The following HOXD11 variants were observed in gnomAD, a reference collection of about 807,000 sequenced individuals.
The protein encoded by HOXD11 is homeobox protein Hox-D11.
Under a neutral mutation model 23.1 loss-of-function variants are expected in HOXD11, and 16 were observed. The observed-to-expected ratio is 0.69, with a 90% CI of 0.47 to 1.05. The LOEUF is 1.05. HOXD11 is among the 50% of genes least tolerant of loss of function. The pLI is 0.00. For missense variants in HOXD11, 564 were observed against 495.6 expected (o/e 1.14, Z -1.31); for synonymous variants, 262 against 224.4 (o/e 1.17, Z -1.50).
chr2:176,112,327 G>T (rs1268674427), downstream of HOXD11, among the ~76,000 whole-genome samples: 2 of 152,200 alleles, frequency 1.3e-5, no homozygotes, highest in Non-Finnish European at 2.9e-5. Flanking sequence ...TCCCCGTTCG[G>T]AGTTCACAAG....
At chr2:176,111,517 G>T (rs1689672143), downstream of HOXD11, 2 of 151,588 alleles carry the variant, frequency 1.3e-5, no homozygotes, top group African/African-American at 4.9e-5. Context: ...GGCAGCTAAG[G>T]TGTTTGCTAG....
At position 176,107,985 on chromosome 2, in the gene HOXD11, G is replaced by A. The variant is rs1297169702; in HGVS notation, c.630G>A (p.Lys210=). The change falls in exon 1 of 2, where the codon AAG becomes AAA. Residue 210 remains lysine, a synonymous_variant. Transcript: ENST00000249504. ...CACAGCCCGAGGGCGCAGCCGACAA[G>A]GGCGACCCCAGGACCGGGGCTGGTG... is the stretch of plus-strand genomic sequence containing the variant. ...APPQPEGAAD[K]GDPRTGAGGG... is the part of the protein sequence containing the mutation. 13 of 1,460,708 alleles carry A rather than the reference G, an allele frequency of 8.9e-6. No homozygotes were observed. Among genetic ancestry groups the A allele is most frequent in the Middle Eastern group, 2.4e-4 (1 of 4,144 alleles). The allele number at this position is 1,460,708 out of a possible 1,614,324, so 90.5% of individuals were successfully genotyped here.
At chr2:176,108,566 A>C (rs919214602) in intron 1 of HOXD11, among the ~76,000 whole-genome samples, 2 of 152,016 alleles carry the variant, frequency 1.3e-5, no homozygotes, top group Non-Finnish European at 2.9e-5. Flanking sequence ...GGAGTCAAGC[A>C]GATGCCCCGG....
At chr2:176,111,058 C>A (rs141901275), downstream of HOXD11, among the ~76,000 whole-genome samples, 1 of 152,070 alleles carries the variant, frequency 6.6e-6, no homozygotes, top group South Asian at 2.1e-4. Flanking sequence ...AGCAATTTGC[C>A]ACCCTGTGAA....
intron 1 of HOXD11, chr2:176,108,659 C>CTGTG (rs56323681): frequency 0.19 from 62,298 of 323,470 alleles, 3,632 homozygotes; most frequent in South Asian, 0.26. Context: ...GTGCCAGGCT[C>CTGTG]TGTGTGTGTG....
chr2:176,113,852 A>C (rs1460692784), downstream of HOXD11, among the ~76,000 whole-genome samples: 1 of 152,214 alleles, frequency 6.6e-6, no homozygotes, highest in African/African-American at 2.4e-5. Flanking sequence ...AGTGACTTTG[A>C]GCTCAAAGCC....
At chr2:176,113,161 GC>G, downstream of HOXD11, among the ~76,000 whole-genome samples, 1 of 152,166 alleles carries the variant, frequency 6.6e-6, no homozygotes, top group Admixed American at 6.5e-5. Context: ...CCGGAGGAGC[GC>G]CCGGGGAAGA....
At chr2:176,110,136 G>A (rs1313315334), downstream of HOXD11, among the ~76,000 whole-genome samples, 2 of 152,200 alleles carry the variant, frequency 1.3e-5, no homozygotes, top group African/African-American at 2.4e-5. Flanking sequence ...GTCATAAGTG[G>A]ACCTGGAGTA....
At chr2:176,112,477 G>A (rs1689690936), downstream of HOXD11, among the ~76,000 whole-genome samples, 1 of 152,224 alleles carries the variant, frequency 6.6e-6, no homozygotes, top group South Asian at 2.1e-4. Context: ...CTGGACCAAA[G>A]GCCCTGGGGC....
Position 176,107,519 on chromosome 2 carries a change from T to G in HOXD11, c.164T>G (p.Val55Gly). The part of the protein sequence containing the change: ...FPYSSNLAPH[V>G]QPVREVAFRD... ...TACTCTTCCAACCTGGCTCCGCACG[T>G]CCAGCCCGTGCGCGAAGTGGCCTTC... Residue 55 changes from valine (V) to glycine (G), a missense_variant, in exon 1 of 2, where the codon GTC becomes GGC. By Grantham distance (109) the Val-to-Gly change is moderately radical. Transcript: ENST00000249504. The G allele has an allele frequency of 1.2e-6, 2 of 1,613,376 alleles. No homozygotes were observed. Among genetic ancestry groups the G allele is most frequent in the African/African-American group, 1.3e-5 (1 of 74,972 alleles).
downstream of HOXD11, among the ~76,000 whole-genome samples, chr2:176,111,984 G>A (rs183540238): frequency 1.3e-3 from 198 of 152,182 alleles, no homozygotes; most frequent in Non-Finnish European, 1.2e-3. Flanking sequence ...TGGGAGAATC[G>A]TTCTGGGAGC....
chr2:176,108,435 AGT>A (rs1689620439), intron 1 of HOXD11, among the ~76,000 whole-genome samples: 1 of 149,486 alleles, frequency 6.7e-6, no homozygotes, highest in Non-Finnish European at 1.5e-5. Context: ...ATTTCAAGCC[AGT>A]GTGAGTGCAT....
downstream of HOXD11, chr2:176,111,592 G>C (rs962090726): frequency 6.6e-6 from 1 of 151,232 alleles, no homozygotes; most frequent in Non-Finnish European, 1.5e-5. Flanking sequence ...GGAGCAACTA[G>C]ATTCACGAAA....
downstream of HOXD11, among the ~76,000 whole-genome samples, chr2:176,113,324 C>T (rs1689702681): frequency 6.6e-6 from 1 of 152,244 alleles, no homozygotes; most frequent in Non-Finnish European, 1.5e-5. Flanking sequence ...AGTGCAGATG[C>T]AAGCCACTTT....
At chr2:176,112,270 T>C (rs2105390720), downstream of HOXD11, among the ~76,000 whole-genome samples, 1 of 152,338 alleles carries the variant, frequency 6.6e-6, no homozygotes, top group East Asian at 1.9e-4. Flanking sequence ...ATTCGTTGCG[T>C]GCCCTCCTTC....
At chr2:176,115,477 C>T in the HOXD11 span, among the ~76,000 whole-genome samples, 1 of 152,188 alleles carries the variant, frequency 6.6e-6, no homozygotes, top group Admixed American at 6.5e-5. Context: ...GTAAATTTAA[C>T]TATTAATCTT....
At position 176,109,043 on chromosome 2, in the gene HOXD11, T is replaced by C; in HGVS notation, c.918T>C (p.Thr306=). 1 of 1,614,120 alleles carries C rather than the reference T, an allele frequency of 6.2e-7. No individual in the cohort carries two copies. The highest frequency in any genetic ancestry group is 1.1e-5 in the South Asian group (1 of 91,088). ...AACTCTCTCGGATGCTCAACCTCAC[T>C]GACCGGCAAGTCAAAATCTGGTTCC... ...RLQLSRMLNL[T]DRQVKIWFQN... is the part of the protein sequence containing the mutation. Residue 306 remains threonine (T), a synonymous_variant, in exon 2 of 2, where the codon ACT becomes ACC. Coordinates refer to ENST00000249504, the MANE Select transcript of HOXD11 (RefSeq NM_021192.3).
downstream of HOXD11, among the ~76,000 whole-genome samples, chr2:176,110,551 T>TA (rs1439382301): frequency 1.3e-5 from 2 of 152,282 alleles, no homozygotes; most frequent in African/African-American, 4.8e-5. Flanking sequence ...AAAATGCAAT[T>TA]AAAAAAATTG....
In HOXD11 at chr2:176,107,488, T is replaced by C. The variant is rs1020570283; in HGVS notation, c.133T>C (p.Phe45Leu). The C allele has an allele frequency of 2.5e-6, 4 of 1,613,760 alleles. No homozygotes were observed. Among genetic ancestry groups the C allele is most frequent in the East Asian group, 4.5e-5 (2 of 44,846 alleles). Residue 45 changes from phenylalanine (F) to leucine (L), a missense_variant, in exon 1 of 2, where the codon TTC becomes CTC. Physicochemically the swap from Phe to Leu is conservative, Grantham distance 22 (BLOSUM62 0). Transcript: ENST00000249504. ...CCAACCGTCGTCCTGCCAGATGACT[T>C]TCCCCTACTCTTCCAACCTGGCTCC... is the stretch of plus-strand genomic sequence containing the variant. The part of the protein sequence containing the change: ...LSQPSSCQMT[F>L]PYSSNLAPHV...
Sources: gnomAD v4.1 joint callset for allele counts (sites outside exome capture counted in the v4.1 genomes callset) on GRCh38, gnomAD v4.1.1 for gene constraint, MANE v1.5 for transcripts, NCBI Gene and HGNC (gene_info 2026-07-23, HGNC 2026-07-21) for gene names.